Variants in SEMA6A observed in about 807,000 individuals in gnomAD.
SEMA6A encodes the protein semaphorin-6A.
SEMA6A carries 25 observed loss-of-function variants against 96.8 expected under a neutral mutation model. That is an observed-to-expected ratio of 0.26 (90% confidence interval 0.19 to 0.36). The LOEUF is 0.36. Ranked by LOEUF, SEMA6A falls within the 10% of genes least tolerant of loss-of-function variation. The probability of loss-of-function intolerance (pLI) is 1.00; values close to 1 mark genes in which losing one functional copy is unlikely to be tolerated. For missense variants in SEMA6A, 1,363 were observed against 1,323.1 expected, an observed-to-expected ratio of 1.03 and a Z score of -0.47; for synonymous variants, 612 against 518.0, an observed-to-expected ratio of 1.18 and a Z score of -2.46.
chr5:116,485,211 G>A (rs987949186), intron 10 of SEMA6A, among the ~76,000 whole-genome samples: 1 of 152,092 alleles, frequency 6.6e-6, no homozygotes, highest in Non-Finnish European at 1.5e-5. Context: ...TGTAAATGGA[G>A]TTATCTATAA....
intron 1 of SEMA6A, among the ~76,000 whole-genome samples, chr5:116,557,270 C>G (rs1168044794): frequency 6.6e-6 from 1 of 152,188 alleles, no homozygotes; most frequent in Non-Finnish European, 1.5e-5. Context: ...TTCTGTCTCC[C>G]AGGCTGCAGT....
chr5:116,561,726 T>C (rs1280438957), intron 1 of SEMA6A, among the ~76,000 whole-genome samples: 2 of 152,216 alleles, frequency 1.3e-5, no homozygotes, highest in East Asian at 1.9e-4. Context: ...GGCAATTACA[T>C]TGTCCTTTTA....
At chr5:116,467,256 G>A (rs1561474801) in intron 18 of SEMA6A, among the ~76,000 whole-genome samples, 1 of 152,028 alleles carries the variant, frequency 6.6e-6, no homozygotes, top group Non-Finnish European at 1.5e-5. Flanking sequence ...GGGAAAAGAC[G>A]GTCCAAAAAT....
At chr5:116,515,747 C>A (rs1439699546) in intron 1 of SEMA6A, among the ~76,000 whole-genome samples, 1 of 152,178 alleles carries the variant, frequency 6.6e-6, no homozygotes, top group East Asian at 1.9e-4. Context: ...CCTTCCTGAT[C>A]TCCACTCTGC....
In SEMA6A at chr5:116,552,973, T is replaced by C. The variant is rs1178405680; in HGVS notation, c.-39+21212A>G. On this transcript the variant is annotated intron_variant, in intron 1 of 18. Transcript: ENST00000343348. ...TAGCAAGACAAGGGCCCAAGAGGAG[T>C]TGGCCCTGCTCTAGGGAGCATTCGC... Among the ~76,000 whole-genome samples the C allele has an allele frequency of 2.6e-5, 4 of 152,034 alleles. No homozygotes were observed. The East Asian group carries it at 7.7e-4, about 29-fold the overall frequency.
In SEMA6A at chr5:116,477,894, C is replaced by G. The variant is rs1756540575; in HGVS notation, c.1601G>C (p.Gly534Ala). 1 of 1,613,868 alleles carries G rather than the reference C, an allele frequency of 6.2e-7. No individual in the cohort carries two copies. ...TCIASRDPYC[G>A]WIKEGGACSH... Reference sequence around the variant, plus strand: ...GCAGGCACCACCTTCCTTTATCCATCCACAATATGGGTCTCTGGAGGCAAT... The same window carrying G: ...GCAGGCACCACCTTCCTTTATCCATGCACAATATGGGTCTCTGGAGGCAAT... The change falls in exon 15 of 19, where the codon GGA becomes GCA. Residue 534 changes from glycine to alanine, a missense_variant. Coordinates refer to ENST00000343348, the MANE Select transcript of SEMA6A (RefSeq NM_020796.5).
chr5:116,474,447 C>A (rs2161227), intron 16 of SEMA6A, among the ~76,000 whole-genome samples: 19,080 of 152,168 alleles, frequency 0.13, 1,270 homozygotes, highest in East Asian at 0.22. Flanking sequence ...TGACACTTCT[C>A]CTATGCTTAT....
In SEMA6A at chr5:116,445,492, AAGTC is replaced by A. The variant is rs1362610469; in HGVS notation, c.*1117_*1120del. The A allele has an allele frequency of 1.3e-5, 2 of 152,640 alleles. No homozygotes were observed. Among genetic ancestry groups the A allele is most frequent in the Non-Finnish European group, 2.9e-5 (2 of 68,044 alleles). The allele number at this position is 152,640 out of a possible 1,614,324, so 9.5% of individuals were successfully genotyped here. Reference sequence around the variant, plus strand: ...TATTGCAAGCTGGTGCCTTCACAGAAAGTCAGAACCATGGACAAAACCATGTTGG... The same window carrying A: ...TATTGCAAGCTGGTGCCTTCACAGAAAGAACCATGGACAAAACCATGTTGG... On this transcript the variant is annotated 3_prime_UTR_variant, in exon 19 of 19. Coordinates refer to ENST00000343348, the MANE Select transcript of SEMA6A (RefSeq NM_020796.5).
chr5:116,535,916 T>C (rs1300508194), intron 1 of SEMA6A, among the ~76,000 whole-genome samples: 1 of 152,252 alleles, frequency 6.6e-6, no homozygotes, highest in African/African-American at 2.4e-5. Flanking sequence ...TTTTAGTTTT[T>C]AGGCATTTTT....
rs1319221301 is a variant in SEMA6A at position 116,445,401 on chromosome 5, C to A, written c.*1212G>T. On this transcript the variant is annotated 3_prime_UTR_variant, in exon 19 of 19. Transcript: ENST00000343348. ...TTAATTTATGCAAGGTAGCAGCCAG[C>A]ATATTAGTTCACACCATTTGTGGAT... 5 of 152,622 alleles carry A rather than the reference C, an allele frequency of 3.3e-5. No homozygotes were observed. Among genetic ancestry groups the A allele is most frequent in the African/African-American group, 4.8e-5 (2 of 41,444 alleles). 9.5% of individuals were successfully genotyped at this position (152,622 alleles called of 1,614,324 possible).
chr5:116,527,676 T>C (rs1459264377), intron 1 of SEMA6A, among the ~76,000 whole-genome samples: 2 of 151,762 alleles, frequency 1.3e-5, no homozygotes, highest in Admixed American at 1.3e-4. Context: ...GTTCAACAAT[T>C]CTTTTATTTT....
intron 18 of SEMA6A, among the ~76,000 whole-genome samples, chr5:116,456,976 A>G (rs1755053260): frequency 6.6e-6 from 1 of 152,278 alleles, no homozygotes; most frequent in African/African-American, 2.4e-5. Context: ...TCCCGGGGTG[A>G]AAAGAGGGAC....
intron 3 of SEMA6A, among the ~76,000 whole-genome samples, chr5:116,500,650 T>G (rs1381942861): frequency 6.6e-6 from 1 of 152,108 alleles, no homozygotes; most frequent in Non-Finnish European, 1.5e-5. Flanking sequence ...AACATCTAAG[T>G]GCTTTAGAAG....
intron 1 of SEMA6A, among the ~76,000 whole-genome samples, chr5:116,567,732 C>A (rs1331700679): frequency 6.6e-6 from 1 of 152,194 alleles, no homozygotes; most frequent in Admixed American, 6.5e-5. Flanking sequence ...TTCCCTCCAA[C>A]GGTCCCTTCA....
intron 18 of SEMA6A, among the ~76,000 whole-genome samples, chr5:116,461,807 A>C (rs903206044): frequency 6.6e-6 from 1 of 152,126 alleles, no homozygotes; most frequent in African/African-American, 2.4e-5. Flanking sequence ...CCTGTGTTCC[A>C]TCTGTCTGGT....
intron 17 of SEMA6A, among the ~76,000 whole-genome samples, chr5:116,469,853 G>A (rs1238234789): frequency 1.3e-5 from 2 of 152,160 alleles, no homozygotes; most frequent in Non-Finnish European, 2.9e-5. Context: ...AATTAATGTG[G>A]ACCAGATGGT....
At chr5:116,452,880 C>A (rs1219618349) in intron 18 of SEMA6A, among the ~76,000 whole-genome samples, 1 of 152,220 alleles carries the variant, frequency 6.6e-6, no homozygotes, top group African/African-American at 2.4e-5. Context: ...TTACCAAGCA[C>A]TGCACTAGGT....
At chr5:116,462,799 A>T (rs1177339124) in intron 18 of SEMA6A, among the ~76,000 whole-genome samples, 1 of 152,198 alleles carries the variant, frequency 6.6e-6, no homozygotes, top group Admixed American at 6.5e-5. Flanking sequence ...CAATTGCTAC[A>T]GTACACAGTC....
At position 116,443,968 on chromosome 5, in the gene SEMA6A, C is replaced by T. The variant is rs976921170; in HGVS notation, c.*2645G>A. Reference sequence around the variant, plus strand: ...TGTGGATGTAAGTTTTGACACAGGTCTCCTTAACAGCTGAGGCAGTGATGC... The same window carrying T: ...TGTGGATGTAAGTTTTGACACAGGTTTCCTTAACAGCTGAGGCAGTGATGC... On this transcript the variant is annotated 3_prime_UTR_variant, in exon 19 of 19. Coordinates refer to ENST00000343348, the MANE Select transcript of SEMA6A (RefSeq NM_020796.5). 1 of 152,234 alleles carries T rather than the reference C, an allele frequency of 6.6e-6. No individual in the cohort carries two copies. The highest frequency in any genetic ancestry group is 1.9e-4 in the East Asian group (1 of 5,186). 9.4% of individuals were successfully genotyped at this position (152,234 alleles called of 1,614,324 possible).
Sources: gnomAD v4.1 joint callset for allele counts (sites outside exome capture counted in the v4.1 genomes callset) on GRCh38, gnomAD v4.1.1 for gene constraint, MANE v1.5 for transcripts, NCBI Gene and HGNC (gene_info 2026-07-23, HGNC 2026-07-21) for gene names.